FRMD6: variants seen among roughly 807,000 people sequenced by gnomAD.
FRMD6 encodes FERM domain-containing protein 6.
FRMD6 carries 37 observed loss-of-function variants against 73.2 expected under a neutral mutation model. The observed-to-expected ratio is 0.51, with a 90% CI of 0.39 to 0.66. FRMD6 has a LOEUF of 0.66. Among genes scored for constraint, FRMD6 ranks in the 30% least tolerant of loss-of-function variants. The pLI is 0.00. For synonymous variants in FRMD6, 273 were observed against 282.2 expected (o/e 0.97, Z 0.33); for missense variants, 714 against 780.5 (o/e 0.91, Z 1.02).
At chr14:51,508,932 T>C (rs546457194) in intron 1 of FRMD6, among the ~76,000 whole-genome samples, 32 of 152,308 alleles carry the variant, frequency 2.1e-4, no homozygotes, top group African/African-American at 7.2e-4. Flanking sequence ...CAAAAGCCAA[T>C]GGAGTCCAAC....
chr14:51,619,626 G>A (rs751187531), intron 2 of FRMD6, among the ~76,000 whole-genome samples: 8 of 152,150 alleles, frequency 5.3e-5, no homozygotes, highest in Non-Finnish European at 1.2e-4. Flanking sequence ...CACACTAAGA[G>A]CATAAAGGCT....
chr14:51,667,468 C>G (rs567343308), intron 1 of FRMD6, among the ~76,000 whole-genome samples: 53 of 152,172 alleles, frequency 3.5e-4, no homozygotes, highest in African/African-American at 8.4e-4. Context: ...TATGTTTTAT[C>G]GCAACAATCA....
intron 2 of FRMD6, among the ~76,000 whole-genome samples, chr14:51,646,191 G>A (rs1334404596): frequency 6.6e-6 from 1 of 151,424 alleles, no homozygotes; most frequent in Non-Finnish European, 1.5e-5. Flanking sequence ...GGTGGCACGC[G>A]CCTGTAGTCT....
chr14:51,592,887 C>A (rs1889475609), intron 2 of FRMD6, among the ~76,000 whole-genome samples: 2 of 152,004 alleles, frequency 1.3e-5, no homozygotes, highest in African/African-American at 4.8e-5. Flanking sequence ...AATATATGTC[C>A]TTTATTAAAA....
intron 2 of FRMD6, among the ~76,000 whole-genome samples, chr14:51,609,161 C>T (rs1890387108): frequency 6.6e-6 from 1 of 152,110 alleles, no homozygotes; most frequent in African/African-American, 2.4e-5. Flanking sequence ...CAGATTCTAA[C>T]AACCTGGACA....
At chr14:51,503,664 T>A (rs1883754640) in intron 1 of FRMD6, among the ~76,000 whole-genome samples, 1 of 139,076 alleles carries the variant, frequency 7.2e-6, no homozygotes, top group Non-Finnish European at 1.5e-5. Flanking sequence ...ATCAAGGATA[T>A]TGGGCTGAAG....
chr14:51,573,965 A>G (rs1371206298), intron 2 of FRMD6, among the ~76,000 whole-genome samples: 9 of 152,208 alleles, frequency 5.9e-5, no homozygotes, highest in Admixed American at 4.6e-4. Flanking sequence ...TCCCATAATA[A>G]TTAGTTATTA....
At chr14:51,656,345 T>A (rs554465170) in intron 1 of FRMD6, among the ~76,000 whole-genome samples, 50 of 152,056 alleles carry the variant, frequency 3.3e-4, no homozygotes, top group African/African-American at 1.1e-3. Context: ...ATGAACCAAA[T>A]ACAGTCGCAA....
chr14:51,513,593 A>C (rs1252365574), intron 1 of FRMD6, among the ~76,000 whole-genome samples: 3 of 150,878 alleles, frequency 2.0e-5, no homozygotes, highest in Admixed American at 6.7e-5. Flanking sequence ...ACATTTGACC[A>C]ACATTCTTGG....
At chr14:51,508,711 C>T (rs1566784147) in intron 1 of FRMD6, among the ~76,000 whole-genome samples, 2 of 152,202 alleles carry the variant, frequency 1.3e-5, no homozygotes, top group Admixed American at 6.5e-5. Flanking sequence ...CCTCTCTTCA[C>T]AAAACAAATA....
At chr14:51,464,873 C>T in the FRMD6 span, among the ~76,000 whole-genome samples, 13 of 152,072 alleles carry the variant, frequency 8.5e-5, no homozygotes, top group South Asian at 2.1e-4. Flanking sequence ...TGTAGGGGAA[C>T]GGACAAGCCC....
At chr14:51,539,142 T>C (rs1886068493) in intron 1 of FRMD6, among the ~76,000 whole-genome samples, 1 of 152,158 alleles carries the variant, frequency 6.6e-6, no homozygotes, top group South Asian at 2.1e-4. Context: ...TTGACCTTTT[T>C]TCAATTTCTC....
At chr14:51,434,529 T>TCATAATGGATTAGACTCAA in the FRMD6 span, among the ~76,000 whole-genome samples, 1 of 151,870 alleles carries the variant, frequency 6.6e-6, no homozygotes, top group Non-Finnish European at 1.5e-5. Flanking sequence ...TAAAAAATTG[T>TCATAATGGATTAGACTCAA]AATAAGTATC....
intron 1 of FRMD6, among the ~76,000 whole-genome samples, chr14:51,684,068 C>G (rs186192947): frequency 1.9e-4 from 29 of 151,794 alleles, no homozygotes; most frequent in African/African-American, 5.8e-4. Context: ...GGCCATGAAA[C>G]AGAGTGTTCA....
At chr14:51,537,582 C>G (rs1885967741) in intron 1 of FRMD6, among the ~76,000 whole-genome samples, 1 of 152,158 alleles carries the variant, frequency 6.6e-6, no homozygotes, top group African/African-American at 2.4e-5. Flanking sequence ...AAGAAACAGC[C>G]AAACTGTCTT....
chr14:51,700,483 C>T (rs972504149), intron 3 of FRMD6, among the ~76,000 whole-genome samples: 3 of 151,884 alleles, frequency 2.0e-5, no homozygotes, highest in South Asian at 2.1e-4. Context: ...AAAGGCAGTG[C>T]GAGTAAGGGT....
intron 1 of FRMD6, among the ~76,000 whole-genome samples, chr14:51,543,116 A>T (rs1481391831): frequency 2.0e-5 from 3 of 151,922 alleles, no homozygotes; most frequent in Non-Finnish European, 4.4e-5. Flanking sequence ...TCTGTTTTTT[A>T]TTGCTTGCAG....
intron 2 of FRMD6, among the ~76,000 whole-genome samples, chr14:51,627,823 G>T (rs1036382824): frequency 1.3e-5 from 2 of 152,172 alleles, no homozygotes; most frequent in Non-Finnish European, 2.9e-5. Context: ...ACAGGACAGT[G>T]AATAGTCATC....
chr14:51,569,963 G>C (rs781645525), intron 1 of FRMD6, among the ~76,000 whole-genome samples: 70 of 152,018 alleles, frequency 4.6e-4, no homozygotes, highest in Admixed American at 1.1e-3. Context: ...CTACAGGTGT[G>C]CGCCACCACA....
Sources: gnomAD v4.1 joint callset for allele counts (sites outside exome capture counted in the v4.1 genomes callset) on GRCh38, gnomAD v4.1.1 for gene constraint, MANE v1.5 for transcripts, NCBI Gene and HGNC (gene_info 2026-07-23, HGNC 2026-07-21) for gene names.